Variants in FBXW11 observed in about 807,000 individuals in gnomAD.
FBXW11 encodes F-box and WD repeat domain containing 11, also known as F-box/WD repeat-containing protein 11.
FBXW11 carries 19 observed loss-of-function variants against 77.6 expected under a neutral mutation model. The observed-to-expected ratio is 0.24, with a 90% confidence interval of 0.17 to 0.36. The LOEUF is 0.36. FBXW11 is among the 10% of genes least tolerant of loss of function. The pLI is 1.00. For missense variants in FBXW11, 334 were observed against 704.2 expected (o/e 0.47, Z 5.95); for synonymous variants, 235 against 249.4 (o/e 0.94, Z 0.54).
intron 1 of FBXW11, among the ~76,000 whole-genome samples, chr5:171,974,452 A>G (rs1000999792): frequency 6.6e-6 from 1 of 151,974 alleles, no homozygotes; most frequent in African/African-American, 2.4e-5. Context: ...AGAAAAAAAA[A>G]AAAATACACA....
At chr5:171,956,707 C>G (rs1419695808) in intron 2 of FBXW11, among the ~76,000 whole-genome samples, 1 of 152,186 alleles carries the variant, frequency 6.6e-6, no homozygotes, top group African/African-American at 2.4e-5. Context: ...TTGCAGTTTT[C>G]CTCAAACAGG....
intron 2 of FBXW11, among the ~76,000 whole-genome samples, chr5:171,914,751 G>A (rs775149871): frequency 1.6e-4 from 25 of 152,256 alleles, no homozygotes; most frequent in Non-Finnish European, 2.8e-4. Flanking sequence ...TGAGGTTTCC[G>A]ATGATTGCAC....
chr5:171,878,619 T>TAAGAGAGAGAGAGAGAGAGA (rs1561640514), intron 7 of FBXW11, among the ~76,000 whole-genome samples: 1 of 149,970 alleles, frequency 6.7e-6, no homozygotes, highest in African/African-American at 2.5e-5. Context: ...TGTGTGTGTG[T>TAAGAGAGAGAGAGAGAGAGA]GTGTGTGTGT....
intron 1 of FBXW11, among the ~76,000 whole-genome samples, chr5:171,962,448 T>C (rs1364571568): frequency 6.6e-6 from 1 of 152,192 alleles, no homozygotes; most frequent in Non-Finnish European, 1.5e-5. Context: ...GGTTGTGATA[T>C]TAACAGCTAA....
At chr5:172,003,185 G>C (rs191034042) in intron 1 of FBXW11, 1 of 152,162 alleles carries the variant, frequency 6.6e-6, no homozygotes, top group African/African-American at 2.4e-5. Context: ...ACTCACACCC[G>C]TGGAGGAGGC....
Position 171,981,814 on chromosome 5 carries a change from G to C in FBXW11, c.46-24116C>G, listed in dbSNP as rs750840442. Among the ~76,000 whole-genome samples, 64 of 151,966 alleles carry C rather than the reference G, an allele frequency of 4.2e-4. 1 individual carries two copies. Among genetic ancestry groups the C allele is most frequent in the Non-Finnish European group, 2.9e-5 (2 of 67,986 alleles). On this transcript the variant is annotated intron_variant, in intron 1 of 13. Transcript: ENST00000517395. ...AGCCTAAACATCCATCAGTAGAATT[G>C]GTAAACAGTTATATACTCATATAAT...
chr5:171,874,803 T>C (rs2113771073), intron 9 of FBXW11, among the ~76,000 whole-genome samples: 1 of 134,618 alleles, frequency 7.4e-6, no homozygotes, highest in East Asian at 2.4e-4. Context: ...GTGCCTGTAC[T>C]CCCAGCTACT....
intron 1 of FBXW11, among the ~76,000 whole-genome samples, chr5:171,971,405 C>A (rs1764523039): frequency 6.6e-6 from 1 of 152,124 alleles, no homozygotes; most frequent in Non-Finnish European, 1.5e-5. Context: ...CATCTGTGCC[C>A]CTCCTTTAAG....
chr5:171,983,017 CATGGAA>C (rs1241662255), intron 1 of FBXW11, among the ~76,000 whole-genome samples: 1 of 152,030 alleles, frequency 6.6e-6, no homozygotes. Context: ...GCCTGGGAAA[CATGGAA>C]CACCTGGTCT....
chr5:171,911,925 T>C (rs747410011), intron 3 of FBXW11, among the ~76,000 whole-genome samples: 1 of 152,224 alleles, frequency 6.6e-6, no homozygotes, highest in Non-Finnish European at 1.5e-5. Context: ...AAGCTATCTA[T>C]TGACCACTAT....
At chr5:171,965,014 G>C (rs1561728722) in intron 1 of FBXW11, among the ~76,000 whole-genome samples, 1 of 152,078 alleles carries the variant, frequency 6.6e-6, no homozygotes, top group Non-Finnish European at 1.5e-5. Context: ...GGAAGAAAAG[G>C]GGATGCAGAG....
intron 1 of FBXW11, among the ~76,000 whole-genome samples, chr5:171,982,828 G>T (rs867931718): frequency 1.3e-5 from 2 of 152,062 alleles, no homozygotes; most frequent in Admixed American, 1.3e-4. Flanking sequence ...CCCGAGGCAC[G>T]ACTCTAATCT....
At chr5:171,914,846 T>G (rs999239584) in intron 2 of FBXW11, among the ~76,000 whole-genome samples, 2 of 152,186 alleles carry the variant, frequency 1.3e-5, no homozygotes, top group Admixed American at 1.3e-4. Flanking sequence ...GAAGCCCCCC[T>G]GCCTTCGTCT....
intron 1 of FBXW11, among the ~76,000 whole-genome samples, chr5:171,991,744 G>GA (rs1469163410): frequency 6.6e-6 from 1 of 152,198 alleles, no homozygotes; most frequent in African/African-American, 2.4e-5. Flanking sequence ...CAGTAGAAGA[G>GA]AAAGTCACAA....
chr5:171,988,406 G>A (rs1765557914), intron 1 of FBXW11, among the ~76,000 whole-genome samples: 1 of 152,126 alleles, frequency 6.6e-6, no homozygotes, highest in African/African-American at 2.4e-5. Context: ...CCTAGAAAAA[G>A]TTATCAGTAG....
At chr5:171,976,041 A>G (rs1349381677) in intron 1 of FBXW11, among the ~76,000 whole-genome samples, 1 of 152,028 alleles carries the variant, frequency 6.6e-6, no homozygotes, top group African/African-American at 2.4e-5. Flanking sequence ...ACTAAAACAC[A>G]TGAGGATGGA....
chr5:171,906,810 G>A (rs1045059620), intron 4 of FBXW11, among the ~76,000 whole-genome samples: 5 of 152,186 alleles, frequency 3.3e-5, no homozygotes, highest in South Asian at 2.1e-4. Context: ...TGCTCTGGCC[G>A]TGTACCCATC....
At position 171,862,172 on chromosome 5, in the gene FBXW11, C is replaced by T. The variant is rs1757131910; in HGVS notation, c.*1955G>A. 1 of 152,468 alleles carries T rather than the reference C, an allele frequency of 6.6e-6. No individual in the cohort carries two copies. Among genetic ancestry groups the T allele is most frequent in the African/African-American group, 2.4e-5 (1 of 41,412 alleles). 9.4% of individuals were successfully genotyped at this position (152,468 alleles called of 1,614,324 possible). On this transcript the variant is annotated 3_prime_UTR_variant, in exon 14 of 14. Transcript: ENST00000517395. ...TTTCCTAACCAGTTTGATATTGAAG[C>T]TGTAGGATGAAAAGTGGTCAAAGCT...
In FBXW11 at chr5:171,944,508, C is replaced by T. The variant is rs552623920; in HGVS notation, c.147+13089G>A. Among the ~76,000 whole-genome samples, 8 of 132,448 alleles carry T rather than the reference C, an allele frequency of 6.0e-5. 1 individual carries two copies. The highest frequency in any genetic ancestry group is 5.2e-4 in the South Asian group (2 of 3,812). 86.9% of individuals were successfully genotyped at this position (132,448 alleles called of 152,430 possible). A position where few individuals can be genotyped will look rare whatever the true frequency, so the allele number is the denominator to read the frequency against. ...GAGAATGGCGTGAACCCCGGCAGGG[C>T]GGAGCCTGCAGTGAGCGGAGATCGC... is the stretch of plus-strand genomic sequence containing the variant. On this transcript the variant is annotated intron_variant, in intron 2 of 13. Transcript: ENST00000517395.
Sources: allele counts gnomAD v4.1 joint callset (sites outside exome capture counted in the v4.1 genomes callset), GRCh38; gene constraint gnomAD v4.1.1; transcripts MANE v1.5; gene names NCBI Gene and HGNC (gene_info 2026-07-23, HGNC 2026-07-21).